SLC5A12: variants seen among roughly 807,000 people sequenced by gnomAD.
The protein encoded by SLC5A12 is sodium-coupled monocarboxylate transporter 2.
A neutral mutation model predicts 72.7 loss-of-function variants in SLC5A12; 46 were observed. That is an observed-to-expected ratio of 0.63 (90% confidence interval 0.50 to 0.81). SLC5A12 has a LOEUF of 0.81. SLC5A12 is among the 30% of genes least tolerant of loss of function. SLC5A12 has a pLI of 0.00. For synonymous variants in SLC5A12, 275 were observed against 264.4 expected, an observed-to-expected ratio of 1.04 and a Z score of -0.39; for missense variants, 683 against 740.7, an observed-to-expected ratio of 0.92 and a Z score of 0.90.
chr11:26,676,101 A>G lies in SLC5A12; in HGVS notation c.1580-2572T>C, dbSNP rs574153099. Among the ~76,000 whole-genome samples the G allele has an allele frequency of 2.6e-5, 4 of 152,288 alleles. No homozygotes were observed. In the South Asian group the frequency reaches 8.3e-4, roughly 32 times the overall value. ...ATTTCACCACAGCAAACTGAAAGCT[A>G]GAATATTTTTGATCTGTCTCTCATC... On this transcript the variant is annotated intron_variant, in intron 13 of 14. Coordinates refer to ENST00000396005, the MANE Select transcript of SLC5A12 (RefSeq NM_178498.4).
chr11:26,680,822 A>G (rs1854394942), intron 12 of SLC5A12, among the ~76,000 whole-genome samples: 1 of 152,134 alleles, frequency 6.6e-6, no homozygotes, highest in Non-Finnish European at 1.5e-5. Flanking sequence ...TTGTACTCAT[A>G]TCTCGCATTA....
At chr11:26,712,832 C>A in intron 1 of SLC5A12, 126 bp from the exon 2 acceptor site, 1 of 443,532 alleles carries the variant, frequency 2.3e-6, no homozygotes. Flanking sequence ...TGATATGTAT[C>A]CTTAGAAGCA....
chr11:26,721,993 C>T lies in SLC5A12; in HGVS notation c.-279G>A. 2.4e-6 allele frequency: 1 copy of T among 419,580 alleles called. No individual in the cohort carries two copies. 26.0% of individuals were successfully genotyped at this position (419,580 alleles called of 1,614,324 possible). A position where few individuals can be genotyped will look rare whatever the true frequency, so the allele number is the denominator to read the frequency against. On this transcript the variant is annotated 5_prime_UTR_variant, in exon 1 of 15. Transcript: ENST00000396005. Reference sequence around the variant, plus strand: ...CTAGCTAAGAGCTGTCTGCTCCTCTCCTAAAGCATATGCCACAGAGAAGGA... The same window carrying T: ...CTAGCTAAGAGCTGTCTGCTCCTCTTCTAAAGCATATGCCACAGAGAAGGA...
At chr11:26,672,589 C>T (rs1854168592) in intron 14 of SLC5A12, among the ~76,000 whole-genome samples, 1 of 152,064 alleles carries the variant, frequency 6.6e-6, no homozygotes, top group Admixed American at 6.6e-5. Context: ...TCAGTGGGAA[C>T]CCAAACCTTA....
intron 1 of SLC5A12, among the ~76,000 whole-genome samples, chr11:26,718,905 TA>T (rs1321715664): frequency 6.6e-6 from 1 of 152,186 alleles, no homozygotes; most frequent in East Asian, 1.9e-4. Context: ...ATTAGGTCAC[TA>T]AAAAGTTGAA....
intron 1 of SLC5A12, among the ~76,000 whole-genome samples, chr11:26,715,209 C>A (rs1388894152): frequency 6.6e-6 from 1 of 152,106 alleles, no homozygotes; most frequent in Non-Finnish European, 1.5e-5. Flanking sequence ...CTGCTGTGGT[C>A]TCTGAGGGTG....
In SLC5A12 at chr11:26,668,981, A is replaced by G. The variant is rs1554988489; in HGVS notation, c.*2121T>C. 2 of 151,878 alleles carry G rather than the reference A, an allele frequency of 1.3e-5. No individual in the cohort carries two copies. The highest frequency in any genetic ancestry group is 2.9e-5 in the Non-Finnish European group (2 of 67,932). The allele number at this position is 151,878 out of a possible 1,614,324, so 9.4% of individuals were successfully genotyped here. ...TGAGTAAAATGAAAAATTGTATGGTATATTTTGCTTTTATGCTATCCCAAG... is the reference window on the plus strand; with the variant it reads ...TGAGTAAAATGAAAAATTGTATGGTGTATTTTGCTTTTATGCTATCCCAAG... On this transcript the variant is annotated 3_prime_UTR_variant, in exon 15 of 15. Coordinates refer to ENST00000396005, the MANE Select transcript of SLC5A12 (RefSeq NM_178498.4).
chr11:26,706,815 AATTATT>A (rs1326850594), intron 4 of SLC5A12, among the ~76,000 whole-genome samples: 6 of 150,322 alleles, frequency 4.0e-5, no homozygotes, highest in Admixed American at 1.3e-4. Context: ...TTATAATTAT[AATTATT>A]GATATATTTT....
chr11:26,680,722 A>G (rs1199432650), intron 12 of SLC5A12, among the ~76,000 whole-genome samples: 1 of 152,006 alleles, frequency 6.6e-6, no homozygotes, highest in Non-Finnish European at 1.5e-5. Flanking sequence ...CATTGCTCAC[A>G]AACTTCTTCT....
In SLC5A12 at chr11:26,721,560, G is replaced by C. The variant is rs1855481311; in HGVS notation, c.155C>G (p.Pro52Arg). Residue 52 changes from proline (P) to arginine (R), a missense_variant, in exon 1 of 15, where the codon CCT (proline) becomes CGT (arginine). Transcript: ENST00000396005. ...LVGGRQMSFG[P>R]VGLSLTASFM... ...GCTGGCTGTCAGAGACAAGCCGACA[G>C]GGCCAAAGCTCATTTGCCTTCCCCC... The C allele has an allele frequency of 6.2e-7, 1 of 1,614,040 alleles. No individual in the cohort carries two copies. Among genetic ancestry groups the C allele is most frequent in the African/African-American group, 1.3e-5 (1 of 74,920 alleles).
chr11:26,709,256 C>A, intron 4 of SLC5A12, 56 bp downstream of exon 4: 1 of 1,315,838 alleles, frequency 7.6e-7, no homozygotes, highest in Non-Finnish European at 1.1e-6. Context: ...TGGAGATTTG[C>A]CCTTATCCCA....
At chr11:26,684,235 T>C (rs1202151755) in intron 10 of SLC5A12, among the ~76,000 whole-genome samples, 1 of 152,124 alleles carries the variant, frequency 6.6e-6, no homozygotes, top group African/African-American at 2.4e-5. Flanking sequence ...TGCATGATTG[T>C]TTTTTCCAGA....
chr11:26,700,251 G>T (rs538756586), intron 6 of SLC5A12, among the ~76,000 whole-genome samples: 1 of 152,176 alleles, frequency 6.6e-6, no homozygotes, highest in African/African-American at 2.4e-5. Flanking sequence ...TGTGAAATGA[G>T]AAACCAGTGG....
At chr11:26,679,309 T>C (rs548531473) in intron 12 of SLC5A12, among the ~76,000 whole-genome samples, 2 of 152,156 alleles carry the variant, frequency 1.3e-5, no homozygotes, top group East Asian at 3.9e-4. Context: ...CCTCAGCTCA[T>C]TTTGAAAGAA....
chr11:26,711,293 T>A lies in SLC5A12; in HGVS notation c.457+14A>T. Reference sequence around the variant, plus strand: ...AAAATGGTAAAATATGCCAAGAGAATGCTGATAACTCACCTTGATTGAGTG... The same window carrying A: ...AAAATGGTAAAATATGCCAAGAGAAAGCTGATAACTCACCTTGATTGAGTG... On this transcript the variant is annotated intron_variant, in intron 3 of 14. Transcript: ENST00000396005. 1 of 1,608,780 alleles carries A rather than the reference T, an allele frequency of 6.2e-7. No homozygotes were observed. Among genetic ancestry groups the A allele is most frequent in the Non-Finnish European group, 8.5e-7 (1 of 1,175,890 alleles).
chr11:26,701,423 T>A (rs865862747), intron 6 of SLC5A12, among the ~76,000 whole-genome samples: 1 of 152,180 alleles, frequency 6.6e-6, no homozygotes, highest in African/African-American at 2.4e-5. Context: ...TGTTAGGAAA[T>A]TATGTACATT....
chr11:26,693,470 T>G (rs1370776144), intron 8 of SLC5A12, among the ~76,000 whole-genome samples: 3 of 152,132 alleles, frequency 2.0e-5, no homozygotes, highest in African/African-American at 7.2e-5. Context: ...CAATCAGAGC[T>G]CAATCTTATT....
chr11:26,692,371 C>A, intron 9 of SLC5A12, 118 bp downstream of exon 9: 1 of 693,014 alleles, frequency 1.4e-6, no homozygotes, highest in Non-Finnish European at 2.6e-6. Flanking sequence ...GGATTCTTCA[C>A]ATATCTCACA....
Position 26,698,463 on chromosome 11 carries a change from GTACATGAT to G in SLC5A12, c.886_893del (p.Ile296LeufsTer4). 1.2e-6 allele frequency: 2 copies of G among 1,614,026 alleles called. No homozygotes were observed. Among genetic ancestry groups the G allele is most frequent in the Non-Finnish European group, 1.7e-6 (2 of 1,179,966 alleles). Reference sequence around the variant, plus strand: ...AAGGGTCACAGTCTTTAAAGTGAGAGTACATGATTAAGCCAGAGAAGACAGCACACACC... The same window carrying G: ...AAGGGTCACAGTCTTTAAAGTGAGAGTAAGCCAGAGAAGACAGCACACACC... On this transcript the variant is annotated frameshift_variant, in exon 7 of 15. Transcript: ENST00000396005. LOFTEE classifies it high-confidence loss of function.
Sources: allele counts gnomAD v4.1 joint callset (sites outside exome capture counted in the v4.1 genomes callset), GRCh38; gene constraint gnomAD v4.1.1; transcripts MANE v1.5; gene names NCBI Gene and HGNC (gene_info 2026-07-23, HGNC 2026-07-21).